Variants in ERC2 observed in about 807,000 individuals in gnomAD.
ERC2 encodes the protein ELKS/RAB6-interacting/CAST family member 2.
Under a neutral mutation model 114.8 loss-of-function variants are expected in ERC2, and 42 were observed. The observed-to-expected ratio is 0.37, with a 90% confidence interval of 0.29 to 0.47. ERC2 has a LOEUF of 0.47. Ranked by LOEUF, ERC2 falls within the 20% of genes least tolerant of loss-of-function variation. The probability of loss-of-function intolerance (pLI) is 0.99; values close to 1 mark genes in which losing one functional copy is unlikely to be tolerated. For synonymous variants in ERC2, 454 were observed against 425.5 expected (o/e 1.07, Z -0.82); for missense variants, 939 against 1,150.7 (o/e 0.82, Z 2.66).
At chr3:55,759,461 TTAAAAAAAAAA>T (rs2067270672) in intron 14 of ERC2, among the ~76,000 whole-genome samples, 1 of 58,938 alleles carries the variant, frequency 1.7e-5, no homozygotes, top group Non-Finnish European at 3.0e-5. Context: ...GTCTCTTTCA[TTAAAAAAAAAA>T]AAAAAAAAAA....
chr3:55,661,056 A>T (rs1337703586), intron 17 of ERC2, among the ~76,000 whole-genome samples: 1 of 152,216 alleles, frequency 6.6e-6, no homozygotes, highest in Non-Finnish European at 1.5e-5. Flanking sequence ...CCTGTGGGCC[A>T]AGTCTCACAC....
intron 12 of ERC2, among the ~76,000 whole-genome samples, chr3:55,965,607 C>G (rs2068695053): frequency 6.6e-6 from 1 of 152,182 alleles, no homozygotes; most frequent in South Asian, 2.1e-4. Context: ...TAACAGACTT[C>G]ATTTTTCCAT....
intron 5 of ERC2, among the ~76,000 whole-genome samples, chr3:56,143,111 G>A (rs1425981834): frequency 6.6e-6 from 1 of 152,160 alleles, no homozygotes; most frequent in Non-Finnish European, 1.5e-5. Flanking sequence ...GTCTAAGTGT[G>A]AGGAGGGGGA....
chr3:55,511,340 T>C (rs1314005792), intron 17 of ERC2, 64 bp from the exon 18 acceptor site: 1 of 152,338 alleles, frequency 6.6e-6, no homozygotes, highest in Non-Finnish European at 1.5e-5. Context: ...GAGATAATCC[T>C]GGCAGAACGT....
intron 2 of ERC2, among the ~76,000 whole-genome samples, chr3:56,399,278 A>G (rs538222170): frequency 9.8e-4 from 150 of 152,322 alleles, no homozygotes; most frequent in African/African-American, 3.4e-3. Flanking sequence ...TTAGCCTTAC[A>G]TTAATGCAGA....
intron 2 of ERC2, among the ~76,000 whole-genome samples, chr3:56,429,681 C>A (rs948745136): frequency 2.0e-5 from 3 of 152,156 alleles, no homozygotes; most frequent in Non-Finnish European, 4.4e-5. Flanking sequence ...TCATGTAGAG[C>A]CGCGTGGCTG....
intron 2 of ERC2, among the ~76,000 whole-genome samples, chr3:56,424,314 C>T (rs2061490944): frequency 2.6e-5 from 4 of 152,040 alleles, no homozygotes; most frequent in Non-Finnish European, 5.9e-5. Flanking sequence ...GCAATCCCGT[C>T]ACCCAAATAA....
intron 15 of ERC2, among the ~76,000 whole-genome samples, chr3:55,702,282 G>C (rs775920103): frequency 2.0e-5 from 3 of 152,150 alleles, no homozygotes; most frequent in Non-Finnish European, 4.4e-5. Context: ...CCAGATCTGG[G>C]GGAAATGTAC....
At chr3:55,828,515 C>G (rs551995700) in intron 14 of ERC2, among the ~76,000 whole-genome samples, 35 of 99,108 alleles carry the variant, frequency 3.5e-4, no homozygotes, top group African/African-American at 1.9e-3. Flanking sequence ...GTTAAACCCC[C>G]AAGAAAAATC....
intron 17 of ERC2, among the ~76,000 whole-genome samples, chr3:55,513,780 C>T (rs1313161051): frequency 1.3e-5 from 2 of 152,090 alleles, no homozygotes; most frequent in South Asian, 2.1e-4. Context: ...ACTACAGGCA[C>T]ATGCCACCAT....
chr3:55,633,903 G>A (rs1203414485), intron 17 of ERC2, among the ~76,000 whole-genome samples: 1 of 152,110 alleles, frequency 6.6e-6, no homozygotes, highest in African/African-American at 2.4e-5. Flanking sequence ...ACCATGCCTG[G>A]GAGTCAAGGG....
chr3:55,665,958 T>C (rs1235594290), intron 17 of ERC2, among the ~76,000 whole-genome samples: 3 of 152,218 alleles, frequency 2.0e-5, no homozygotes, highest in African/African-American at 4.8e-5. Flanking sequence ...TTGGGCAGTC[T>C]GAGTCCAGAC....
At chr3:55,611,387 G>A (rs2058902618) in intron 17 of ERC2, among the ~76,000 whole-genome samples, 2 of 152,236 alleles carry the variant, frequency 1.3e-5, no homozygotes, top group South Asian at 2.1e-4. Flanking sequence ...GGGTTCCAAT[G>A]AGGCTTTGCT....
chr3:56,247,699 T>C (rs2051812809), intron 3 of ERC2, among the ~76,000 whole-genome samples: 1 of 152,282 alleles, frequency 6.6e-6, no homozygotes, highest in Admixed American at 6.5e-5. Context: ...TGAAAACAAC[T>C]GGGTAAAGGA....
At position 56,126,521 on chromosome 3, in the gene ERC2, G is replaced by C. The variant is rs774257395; in HGVS notation, c.1473+12988C>G. ...ACCTATAAACCCAACACTGTGAGAGGTTGAGGCACAAGGATCACTTGAGGC... is the reference window on the plus strand; with the variant it reads ...ACCTATAAACCCAACACTGTGAGAGCTTGAGGCACAAGGATCACTTGAGGC... On this transcript the variant is annotated intron_variant, in intron 6 of 17. Coordinates refer to ENST00000288221, the MANE Select transcript of ERC2 (RefSeq NM_015576.3). 3.3e-5 allele frequency among the ~76,000 whole-genome samples: 5 copies of C among 152,276 alleles called. No homozygotes were observed. The South Asian group carries it at 1.0e-3, about 32-fold the overall frequency.
chr3:55,888,672 G>C, intron 13 of ERC2, 123 bp from the exon 14 acceptor site: 2 of 1,134,832 alleles, frequency 1.8e-6, no homozygotes, highest in East Asian at 4.7e-5. Context: ...CTGGGCCGCT[G>C]TGTCTTGGAG....
chr3:55,792,002 G>A (rs1367335746), intron 14 of ERC2, among the ~76,000 whole-genome samples: 1 of 152,136 alleles, frequency 6.6e-6, no homozygotes, highest in Non-Finnish European at 1.5e-5. Context: ...CCACGACTGT[G>A]TATCTTATGT....
chr3:55,955,454 T>C (rs1303910862), intron 12 of ERC2, among the ~76,000 whole-genome samples: 1 of 152,236 alleles, frequency 6.6e-6, no homozygotes, highest in Non-Finnish European at 1.5e-5. Context: ...GGATTTCTTT[T>C]GTTTACTCTT....
chr3:56,418,391 TC>T (rs1020964176), intron 2 of ERC2, among the ~76,000 whole-genome samples: 13 of 151,886 alleles, frequency 8.6e-5, no homozygotes, highest in African/African-American at 3.1e-4. Context: ...TGTCCTAAGA[TC>T]CTCTTGTGTA....
Sources: allele counts gnomAD v4.1 joint callset (sites outside exome capture counted in the v4.1 genomes callset), GRCh38; gene constraint gnomAD v4.1.1; transcripts MANE v1.5; gene names NCBI Gene and HGNC (gene_info 2026-07-23, HGNC 2026-07-21).